C2CD3: variants seen among roughly 807,000 people sequenced by gnomAD.
The protein encoded by C2CD3 is C2 domain-containing protein 3.
C2CD3 carries 148 observed loss-of-function variants against 234.0 expected under a neutral mutation model. The ratio of observed to expected loss-of-function variants is 0.63; its 90% confidence interval spans 0.55 to 0.72. The LOEUF is 0.72. C2CD3 is among the 30% of genes least tolerant of loss of function. The pLI is 0.00. For missense variants in C2CD3, 2,577 were observed against 2,811.5 expected, an observed-to-expected ratio of 0.92 and a Z score of 1.89; for synonymous variants, 1,000 against 1,035.4, an observed-to-expected ratio of 0.97 and a Z score of 0.66.
At position 74,044,892 on chromosome 11, in the gene C2CD3, CT is replaced by C. The variant is rs551506968; in HGVS notation, c.5496-2675del. Among the ~76,000 whole-genome samples, 435 of 137,838 alleles carry C rather than the reference CT, an allele frequency of 3.2e-3. 1 individual carries two copies. The highest frequency in any genetic ancestry group is 3.2e-3 in the African/African-American group (121 of 37,830). 90.4% of individuals were successfully genotyped at this position (137,838 alleles called of 152,430 possible). A position where few individuals can be genotyped will look rare whatever the true frequency, so the allele number is the denominator to read the frequency against. ...TTGCTGCAAAGAACATGATTTTGTTCTTTTTTTTTTTTAATGGCTGTGAGAG... is the reference window on the plus strand; with the variant it reads ...TTGCTGCAAAGAACATGATTTTGTTCTTTTTTTTTTTAATGGCTGTGAGAG... On this transcript the variant is annotated intron_variant, in intron 28 of 32. Transcript: ENST00000334126.
At chr11:74,121,888 C>T (rs2135522718) in intron 8 of C2CD3, among the ~76,000 whole-genome samples, 1 of 152,332 alleles carries the variant, frequency 6.6e-6, no homozygotes, top group East Asian at 1.9e-4. Context: ...CGTCCACCAC[C>T]TCCTGTCCAA....
chr11:74,106,049 C>A (rs1565300190), intron 13 of C2CD3, among the ~76,000 whole-genome samples: 8 of 152,194 alleles, frequency 5.3e-5, no homozygotes, highest in Admixed American at 4.6e-4. Flanking sequence ...CAAGCCCACT[C>A]CTGCTTTAGG....
At chr11:74,034,342 A>G (rs942663662) in intron 30 of C2CD3, 64 bp from the exon 31 acceptor site, 1 of 1,484,082 alleles carries the variant, frequency 6.7e-7, no homozygotes, top group African/African-American at 1.4e-5. Context: ...AATTTCCCAC[A>G]CTAGCCTTTA....
In C2CD3 at chr11:74,030,975, T is replaced by G. The variant is rs145616023; in HGVS notation, c.6809+2376A>C. On this transcript the variant is annotated intron_variant, in intron 31 of 32. Transcript: ENST00000334126. ...CCCTCGTCTTCATCATAAAGCAGTCTATACTTCAGGTCAGACTTTCTTCAT... is the reference window on the plus strand; with the variant it reads ...CCCTCGTCTTCATCATAAAGCAGTCGATACTTCAGGTCAGACTTTCTTCAT... Among the ~76,000 whole-genome samples the G allele has an allele frequency of 2.0e-5, 3 of 152,356 alleles. No individual in the cohort carries two copies. The East Asian group carries it at 5.8e-4, about 29-fold the overall frequency.
At chr11:74,015,769 A>C (rs1172733039) in intron 32 of C2CD3, among the ~76,000 whole-genome samples, 2 of 152,098 alleles carry the variant, frequency 1.3e-5, no homozygotes, top group Non-Finnish European at 2.9e-5. Context: ...TCATGAAATG[A>C]CCATAAAAAG....
In C2CD3 at chr11:74,037,646, T is replaced by G. The variant is rs1469992223; in HGVS notation, c.5713A>C (p.Thr1905Pro). The change falls in exon 30 of 33, where the codon ACC becomes CCC. Residue 1905 changes from threonine to proline, a missense_variant. By Grantham distance (38) the Thr-to-Pro change is conservative. Coordinates refer to ENST00000334126, the MANE Select transcript of C2CD3 (RefSeq NM_001286577.2). The part of the protein sequence containing the change: ...QIQRYFRQKL[T>P]KPFLPLSPQT... The stretch of plus-strand genomic sequence containing the variant: ...GGGCTGAGGGGTAGGAAAGGCTTGG[T>G]GAGCTTCTGGCGGAAGTACCTCTGA... 1 of 1,614,102 alleles carries G rather than the reference T, an allele frequency of 6.2e-7. No homozygotes were observed. Among genetic ancestry groups the G allele is most frequent in the Non-Finnish European group, 8.5e-7 (1 of 1,180,000 alleles).
chr11:74,128,370 A>G (rs537526369), intron 7 of C2CD3, among the ~76,000 whole-genome samples: 1 of 152,154 alleles, frequency 6.6e-6, no homozygotes, highest in East Asian at 1.9e-4. Context: ...TTTGAAGCAC[A>G]TACGTTTTTA....
intron 24 of C2CD3, among the ~76,000 whole-genome samples, chr11:74,073,952 A>G (rs1954914614): frequency 6.6e-6 from 1 of 152,234 alleles, no homozygotes; most frequent in South Asian, 2.1e-4. Flanking sequence ...GTTGGCAGGA[A>G]TGCAGAAGGA....
At chr11:74,122,007 T>C (rs1002949725) in intron 8 of C2CD3, among the ~76,000 whole-genome samples, 4 of 152,198 alleles carry the variant, frequency 2.6e-5, no homozygotes, top group Non-Finnish European at 4.4e-5. Context: ...CACTGTAGGG[T>C]TGCCAGACAC....
chr11:74,013,295 G>A lies in C2CD3; in HGVS notation c.*90C>T, dbSNP rs1951757433. 2.2e-6 allele frequency: 1 copy of A among 453,222 alleles called. No homozygotes were observed. The highest frequency in any genetic ancestry group is 4.3e-5 in the Admixed American group (1 of 23,240). 28.1% of individuals were successfully genotyped at this position (453,222 alleles called of 1,614,324 possible). ...GTGGTTTCAGGACTGTGACAGCCCT[G>A]AAGGAGCCAGACCTGGTGCCTCCTG... is the stretch of plus-strand genomic sequence containing the variant. On this transcript the variant is annotated 3_prime_UTR_variant, in exon 33 of 33. Coordinates refer to ENST00000334126, the MANE Select transcript of C2CD3 (RefSeq NM_001286577.2).
intron 24 of C2CD3, among the ~76,000 whole-genome samples, chr11:74,071,217 G>A (rs1043356437): frequency 3.9e-5 from 6 of 152,194 alleles, no homozygotes; most frequent in Non-Finnish European, 8.8e-5. Context: ...GAGACATAAC[G>A]CCTCTCACAT....
At position 74,168,457 on chromosome 11, in the gene C2CD3, T is replaced by C. The variant is rs776084450; in HGVS notation, c.212A>G (p.Asp71Gly). The change falls in exon 2 of 33, where the codon GAT becomes GGT. Residue 71 changes from aspartate to glycine, a missense_variant. Physicochemically the swap from Asp to Gly is moderately conservative, Grantham distance 94 (BLOSUM62 -1). Coordinates refer to ENST00000334126, the MANE Select transcript of C2CD3 (RefSeq NM_001286577.2). ...VRVRWWGETS[D>G]GTLFCPRDAL... ...ATCCCTGGGACAAAAGAGGGTTCCATCTGATGTTTCTCCCCACCATCTCAC... is the reference window on the plus strand; with the variant it reads ...ATCCCTGGGACAAAAGAGGGTTCCACCTGATGTTTCTCCCCACCATCTCAC... 6.2e-7 allele frequency: 1 copy of C among 1,614,198 alleles called. No individual in the cohort carries two copies. The highest frequency in any genetic ancestry group is 1.6e-4 in the Middle Eastern group (1 of 6,062).
At position 74,117,361 on chromosome 11, in the gene C2CD3, A is replaced by AATATATATATATATAT. The variant is rs71469494; in HGVS notation, c.1520+851_1520+866dup. Among the ~76,000 whole-genome samples the AATATATATATATATAT allele has an allele frequency of 4.8e-3, 455 of 94,768 alleles. 6 individuals are homozygous for AATATATATATATATAT. Among genetic ancestry groups the AATATATATATATATAT allele is most frequent in the African/African-American group, 6.6e-3 (162 of 24,622 alleles). 62.2% of individuals were successfully genotyped at this position (94,768 alleles called of 152,430 possible). ...ACATCGTCTAAGTCATTTGGCCTCA[A>AATATATATATATATAT]ATATATATATATATATATATATATA... is the stretch of plus-strand genomic sequence containing the variant. On this transcript the variant is annotated intron_variant, in intron 9 of 32. Coordinates refer to ENST00000334126, the MANE Select transcript of C2CD3 (RefSeq NM_001286577.2).
At chr11:74,139,038 C>G in intron 4 of C2CD3, 71 bp from the exon 5 acceptor site, 1 of 1,346,970 alleles carries the variant, frequency 7.4e-7, no homozygotes. Flanking sequence ...TTGTCAGAGA[C>G]AGAAAGTAGA....
Position 74,078,644 on chromosome 11 carries a change from C to G in C2CD3, c.4074G>C (p.Lys1358Asn). The G allele has an allele frequency of 6.2e-7, 1 of 1,614,188 alleles. No homozygotes were observed. Among genetic ancestry groups the G allele is most frequent in the Non-Finnish European group, 8.5e-7 (1 of 1,180,026 alleles). ...GLPHGLELMQ[K>N]IVGGLELSIS... ...TCGAAAGCTCCAGACCACCCACGAT[C>G]TTCTGCATGAGCTCCAGGCCATGAG... The change falls in exon 23 of 33, where the codon AAG becomes AAC. Residue 1358 changes from lysine to asparagine, a missense_variant. Coordinates refer to ENST00000334126, the MANE Select transcript of C2CD3 (RefSeq NM_001286577.2).
chr11:74,104,107 A>G (rs1021640931), intron 13 of C2CD3, among the ~76,000 whole-genome samples: 1 of 152,242 alleles, frequency 6.6e-6, no homozygotes, highest in African/African-American at 2.4e-5. Flanking sequence ...AGAAATCACC[A>G]TTTGACAATC....
At chr11:74,071,577 G>A (rs1011167071) in intron 24 of C2CD3, among the ~76,000 whole-genome samples, 5 of 152,132 alleles carry the variant, frequency 3.3e-5, no homozygotes, top group African/African-American at 1.2e-4. Context: ...ATTATGTATT[G>A]TAATCTCTTC....
At chr11:74,117,131 TATATATATATGA>T (rs1565313585) in intron 9 of C2CD3, among the ~76,000 whole-genome samples, 292 of 6,660 alleles carry the variant, frequency 0.044, 65 homozygotes, top group African/African-American at 0.13. Flanking sequence ...TATATATGAA[TATATATATATGA>T]ATATATATAT....
chr11:74,117,112 A>T (rs143454945), intron 9 of C2CD3, among the ~76,000 whole-genome samples: 1,174 of 44,522 alleles, frequency 0.026, 91 homozygotes, highest in Middle Eastern at 0.069. Flanking sequence ...ATATATATAT[A>T]TGAATATATA....
Sources: gnomAD v4.1 joint callset for allele counts (sites outside exome capture counted in the v4.1 genomes callset) on GRCh38, gnomAD v4.1.1 for gene constraint, MANE v1.5 for transcripts, NCBI Gene and HGNC (gene_info 2026-07-23, HGNC 2026-07-21) for gene names.